RAB7A: variants seen among roughly 807,000 people sequenced by gnomAD.
RAB7A encodes RAB7A, member RAS oncogene family.
RAB7A carries 2 observed loss-of-function variants against 24.5 expected under a neutral mutation model. The ratio of observed to expected loss-of-function variants is 0.08; its 90% confidence interval spans 0.03 to 0.26. The LOEUF (loss-of-function observed/expected upper bound fraction) is 0.26, where lower values mean the gene tolerates loss of function less well. Ranked by LOEUF, RAB7A falls within the 10% of genes least tolerant of loss-of-function variation. The pLI is 1.00. For missense variants in RAB7A, 118 were observed against 255.7 expected (o/e 0.46, Z 3.67); for synonymous variants, 100 against 95.9 (o/e 1.04, Z -0.25).
chr3:128,770,659 C>T (rs888693599), intron 1 of RAB7A, among the ~76,000 whole-genome samples: 1 of 152,174 alleles, frequency 6.6e-6, no homozygotes, highest in Non-Finnish European at 1.5e-5. Context: ...CCCTCATGAG[C>T]CAGGTCTGTA....
chr3:128,788,999 T>C (rs1176062271), intron 1 of RAB7A, among the ~76,000 whole-genome samples: 1 of 152,214 alleles, frequency 6.6e-6, no homozygotes, highest in Non-Finnish European at 1.5e-5. Flanking sequence ...AAAGAAAGAA[T>C]TGTTTCATCG....
chr3:128,730,187 C>T (rs1418553801), intron 1 of RAB7A, among the ~76,000 whole-genome samples: 1 of 152,018 alleles, frequency 6.6e-6, no homozygotes, highest in Admixed American at 6.6e-5. Flanking sequence ...TTTTTCCCCA[C>T]ACTCCATATG....
intron 1 of RAB7A, among the ~76,000 whole-genome samples, chr3:128,748,098 A>G (rs966065752): frequency 2.0e-5 from 3 of 152,258 alleles, no homozygotes; most frequent in Middle Eastern, 3.4e-3. Flanking sequence ...AAGTTTGACA[A>G]ACATCCTAGA....
intron 1 of RAB7A, among the ~76,000 whole-genome samples, chr3:128,782,829 A>G (rs1358741539): frequency 6.6e-6 from 1 of 152,188 alleles, no homozygotes; most frequent in African/African-American, 2.4e-5. Context: ...GAGTCCAGGT[A>G]ACACTTATTG....
At chr3:128,804,313 TC>T (rs1172526721) in intron 3 of RAB7A, among the ~76,000 whole-genome samples, 1 of 152,116 alleles carries the variant, frequency 6.6e-6, no homozygotes, top group Non-Finnish European at 1.5e-5. Flanking sequence ...ACATCACCCC[TC>T]CCCACAGGAA....
chr3:128,745,320 G>A (rs73198804), intron 1 of RAB7A, among the ~76,000 whole-genome samples: 3,840 of 152,226 alleles, frequency 0.025, 78 homozygotes, highest in South Asian at 0.045. Flanking sequence ...TGGAGTTTCA[G>A]TTGTACTGTA....
intron 1 of RAB7A, among the ~76,000 whole-genome samples, chr3:128,726,720 A>T (rs1000367606): frequency 2.0e-5 from 3 of 152,030 alleles, no homozygotes; most frequent in Non-Finnish European, 2.9e-5. Flanking sequence ...GGCGAGCAGG[A>T]GGGTGTCAGA....
chr3:128,735,622 T>A (rs1218536622), intron 1 of RAB7A, among the ~76,000 whole-genome samples: 1 of 152,190 alleles, frequency 6.6e-6, no homozygotes, highest in Non-Finnish European at 1.5e-5. Flanking sequence ...AGAAGTGGCT[T>A]TAATGAAAAG....
rs768818640 is a variant in RAB7A, at chr3:128,809,317, A to G, written c.528+1646A>G. On this transcript the variant is annotated intron_variant, in intron 5 of 5. Transcript: ENST00000265062. ...CAGCAATGTGGGCTTGCTTTCTTCT[A>G]CCTCCTTGCCAGCAAGCAATAGGTG... is the stretch of plus-strand genomic sequence containing the variant. Among the ~76,000 whole-genome samples the G allele has an allele frequency of 5.6e-4, 85 of 152,234 alleles. 2 individuals carry two copies. Among genetic ancestry groups the G allele is most frequent in the Admixed American group, 3.8e-3 (58 of 15,294 alleles).
intron 1 of RAB7A, among the ~76,000 whole-genome samples, chr3:128,780,776 T>C (rs1374268210): frequency 6.6e-6 from 1 of 152,210 alleles, no homozygotes; most frequent in East Asian, 1.9e-4. Context: ...CCCATGTTCT[T>C]AGGGCCCATG....
At chr3:128,755,856 G>A (rs1293791958) in intron 1 of RAB7A, among the ~76,000 whole-genome samples, 1 of 152,046 alleles carries the variant, frequency 6.6e-6, no homozygotes, top group Non-Finnish European at 1.5e-5. Context: ...CCATGCTGGT[G>A]TGCTGCACCC....
chr3:128,748,839 T>A (rs1295348001), intron 1 of RAB7A: 1 of 152,216 alleles, frequency 6.6e-6, no homozygotes, highest in Middle Eastern at 3.2e-3. Context: ...CCGTAACATA[T>A]CTCGTCTTGC....
At chr3:128,728,403 T>TTTTA (rs1188286139) in intron 1 of RAB7A, among the ~76,000 whole-genome samples, 1 of 152,224 alleles carries the variant, frequency 6.6e-6, no homozygotes, top group African/African-American at 2.4e-5. Context: ...AATCACATCT[T>TTTTA]TTAAAGAGTA....
chr3:128,758,201 T>G (rs944141092), intron 1 of RAB7A, among the ~76,000 whole-genome samples: 1 of 151,896 alleles, frequency 6.6e-6, no homozygotes, highest in Non-Finnish European at 1.5e-5. Flanking sequence ...CGGCCTCAAA[T>G]GATCTTCCTG....
In RAB7A at chr3:128,764,672, A is replaced by G. The variant is rs61746490; in HGVS notation, c.-8-30688A>G. The G allele has an allele frequency of 5.3e-3, 4,527 of 853,540 alleles. 115 individuals are homozygous for G. In the African/African-American group the frequency reaches 0.054, roughly 10 times the overall value. 52.9% of individuals were successfully genotyped at this position (853,540 alleles called of 1,614,324 possible). A position where few individuals can be genotyped will look rare whatever the true frequency, so the allele number is the denominator to read the frequency against. On this transcript the variant is annotated intron_variant, in intron 1 of 5. Coordinates refer to ENST00000265062, the MANE Select transcript of RAB7A (RefSeq NM_004637.6). ...TCAGTGGCTAGTTTGTGCAGTTCCA[A>G]TAGTGACTGATTCACATTTTTTTCC...
intron 5 of RAB7A, 76 bp downstream of exon 5, chr3:128,807,747 C>T: frequency 6.3e-7 from 1 of 1,597,724 alleles, no homozygotes; most frequent in Non-Finnish European, 8.6e-7. Flanking sequence ...GCCTCCTGCC[C>T]TTAATCTTCT....
intron 1 of RAB7A, among the ~76,000 whole-genome samples, chr3:128,758,329 G>A (rs1321733729): frequency 6.8e-6 from 1 of 148,136 alleles, no homozygotes; most frequent in African/African-American, 2.5e-5. Flanking sequence ...CTGGAGTGCA[G>A]TGGCGCTATC....
Position 128,746,829 on chromosome 3 carries a change from G to A in RAB7A, c.-9+20470G>A, listed in dbSNP as rs1033315022. On this transcript the variant is annotated intron_variant, in intron 1 of 5. Coordinates refer to ENST00000265062, the MANE Select transcript of RAB7A (RefSeq NM_004637.6). Reference sequence around the variant, plus strand: ...CAGGTGTGAGCCACCCGGCCCGGCCGGGGTTCAACTTTTTAAGATTCAACA... The same window carrying A: ...CAGGTGTGAGCCACCCGGCCCGGCCAGGGTTCAACTTTTTAAGATTCAACA... Among the ~76,000 whole-genome samples the A allele has an allele frequency of 5.3e-5, 8 of 151,306 alleles. 1 individual carries two copies. Among genetic ancestry groups the A allele is most frequent in the Admixed American group, 1.3e-4 (2 of 15,212 alleles).
intron 1 of RAB7A, among the ~76,000 whole-genome samples, chr3:128,736,642 A>T (rs1471646654): frequency 6.6e-6 from 1 of 152,192 alleles, no homozygotes; most frequent in Non-Finnish European, 1.5e-5. Flanking sequence ...ACATACAGAT[A>T]AATTTAAATA....
Sources: gnomAD v4.1 joint callset for allele counts (sites outside exome capture counted in the v4.1 genomes callset) on GRCh38, gnomAD v4.1.1 for gene constraint, MANE v1.5 for transcripts, NCBI Gene and HGNC (gene_info 2026-07-23, HGNC 2026-07-21) for gene names.